RANBP17: variants seen among roughly 807,000 people sequenced by gnomAD.
RANBP17 encodes RAN binding protein 17.
RANBP17 carries 158 observed loss-of-function variants against 141.2 expected under a neutral mutation model. The observed-to-expected ratio is 1.12, with a 90% CI of 0.98 to 1.28. RANBP17 has a LOEUF of 1.28. Ranked by LOEUF, RANBP17 falls within the 50% of genes most tolerant of loss-of-function variation. The pLI is 0.00. For missense variants in RANBP17, 1,438 were observed against 1,290.7 expected (o/e 1.11, Z -1.75); for synonymous variants, 430 against 450.0 (o/e 0.96, Z 0.56).
chr5:171,250,616 CAT>C (rs1271081313), intron 24 of RANBP17, among the ~76,000 whole-genome samples: 3 of 151,778 alleles, frequency 2.0e-5, no homozygotes, highest in African/African-American at 7.3e-5. Context: ...GCAGTAAACA[CAT>C]ATAGAGTGAA....
In RANBP17 at chr5:171,115,374, T is replaced by C. The variant is rs928734570; in HGVS notation, c.1711-54756T>C. ...CATAAAACAATGACTATTCTATTTC[T>C]AATCTCTCTCAAGATAAAAGATAAT... is the stretch of plus-strand genomic sequence containing the variant. On this transcript the variant is annotated intron_variant, in intron 14 of 27. Transcript: ENST00000523189. Among the ~76,000 whole-genome samples the C allele has an allele frequency of 2.6e-5, 4 of 152,298 alleles. No homozygotes were observed. In the South Asian group the frequency reaches 8.3e-4, roughly 32 times the overall value.
chr5:171,028,987 C>T, intron 14 of RANBP17: 1 of 1,256,944 alleles, frequency 8.0e-7, no homozygotes, highest in South Asian at 1.3e-5. Context: ...GTCTAAGGTC[C>T]AGGTGAGGGC....
At chr5:170,878,857 A>G (rs1390482651) in intron 2 of RANBP17, among the ~76,000 whole-genome samples, 1 of 152,182 alleles carries the variant, frequency 6.6e-6, no homozygotes, top group South Asian at 2.1e-4. Flanking sequence ...GTGAAGGGCC[A>G]GATAGCAAAT....
intron 5 of RANBP17, chr5:170,896,845 G>C (rs1770167697): frequency 2.1e-6 from 1 of 473,650 alleles, no homozygotes; most frequent in Admixed American, 3.3e-5. Flanking sequence ...ACAATAACAA[G>C]AAACAATACA....
intron 18 of RANBP17, among the ~76,000 whole-genome samples, chr5:171,191,022 AT>A (rs1761594269): frequency 6.6e-6 from 1 of 152,188 alleles, no homozygotes; most frequent in African/African-American, 2.4e-5. Flanking sequence ...CATATTTTTA[AT>A]TACTAGGGGG....
At chr5:171,237,473 A>G (rs1165203333) in intron 22 of RANBP17, among the ~76,000 whole-genome samples, 3 of 152,142 alleles carry the variant, frequency 2.0e-5, no homozygotes, top group Non-Finnish European at 4.4e-5. Flanking sequence ...TAATCATTCA[A>G]TTCACAGTAT....
intron 22 of RANBP17, among the ~76,000 whole-genome samples, chr5:171,229,388 C>T (rs558325177): frequency 6.6e-6 from 1 of 152,162 alleles, no homozygotes; most frequent in South Asian, 2.1e-4. Context: ...TGAGCATTTA[C>T]TTTTTTGTTG....
chr5:171,219,503 TCTC>T (rs1561775200), intron 21 of RANBP17, among the ~76,000 whole-genome samples: 1 of 152,138 alleles, frequency 6.6e-6, no homozygotes. Flanking sequence ...TTGGTTCCAT[TCTC>T]CTCATCACTT....
At chr5:171,270,188 AT>A (rs1221676606) in intron 25 of RANBP17, among the ~76,000 whole-genome samples, 3 of 152,140 alleles carry the variant, frequency 2.0e-5, no homozygotes, top group Non-Finnish European at 4.4e-5. Context: ...TGTGTTTATT[AT>A]TCTCTTCTAT....
intron 3 of RANBP17, among the ~76,000 whole-genome samples, chr5:170,891,209 C>G (rs1012023028): frequency 6.6e-6 from 1 of 152,032 alleles, no homozygotes; most frequent in Non-Finnish European, 1.5e-5. Context: ...GAAAAAGATA[C>G]AAATCAAATC....
chr5:171,176,079 A>G lies in RANBP17; in HGVS notation c.1865+4793A>G, dbSNP rs182665790. 5.9e-4 allele frequency among the ~76,000 whole-genome samples: 90 copies of G among 152,192 alleles called. No homozygotes were observed. In the East Asian group the frequency reaches 0.015, roughly 26 times the overall value. On this transcript the variant is annotated intron_variant, in intron 16 of 27. Transcript: ENST00000523189. ...TGGTTTGGTTTGATATAAAGAAATA[A>G]TTCCTTCCATTTGGCCTCAGACTGA...
chr5:171,060,506 A>G (rs557565071), intron 14 of RANBP17, among the ~76,000 whole-genome samples: 111 of 147,346 alleles, frequency 7.5e-4, no homozygotes, highest in African/African-American at 2.6e-3. Flanking sequence ...CATCCCAGGG[A>G]TGAAGCCCAC....
chr5:171,182,868 G>C (rs1034977230), intron 16 of RANBP17, among the ~76,000 whole-genome samples: 3 of 151,952 alleles, frequency 2.0e-5, no homozygotes, highest in Admixed American at 6.6e-5. Flanking sequence ...ATATAAAAAG[G>C]GATCAGTTTT....
chr5:170,986,141 C>A (rs1778125805), intron 14 of RANBP17, among the ~76,000 whole-genome samples: 1 of 151,984 alleles, frequency 6.6e-6, no homozygotes, highest in Non-Finnish European at 1.5e-5. Context: ...TCAAAAATGT[C>A]TCTGTTTGGA....
At chr5:171,258,366 G>A (rs182946031) in intron 24 of RANBP17, among the ~76,000 whole-genome samples, 14 of 152,136 alleles carry the variant, frequency 9.2e-5, no homozygotes, top group Admixed American at 5.9e-4. Flanking sequence ...CTTCTTCACA[G>A]AATTTTTTTT....
chr5:170,980,364 T>A (rs1374705844), intron 14 of RANBP17, among the ~76,000 whole-genome samples: 1 of 152,176 alleles, frequency 6.6e-6, no homozygotes, highest in Non-Finnish European at 1.5e-5. Context: ...TGAATATTAA[T>A]CCCCAAGACA....
At chr5:170,866,286 G>T (rs530120517) in intron 1 of RANBP17, among the ~76,000 whole-genome samples, 2 of 144,432 alleles carry the variant, frequency 1.4e-5, no homozygotes, top group Non-Finnish European at 2.9e-5. Context: ...TACTATACAG[G>T]AGGTACAAAG....
chr5:171,034,589 C>T (rs1265994094), intron 14 of RANBP17, among the ~76,000 whole-genome samples: 1 of 152,134 alleles, frequency 6.6e-6, no homozygotes, highest in East Asian at 1.9e-4. Context: ...GAGTATATAG[C>T]CACTTTGAAT....
At chr5:171,148,257 G>T (rs1327374645) in intron 14 of RANBP17, among the ~76,000 whole-genome samples, 1 of 152,128 alleles carries the variant, frequency 6.6e-6, no homozygotes, top group African/African-American at 2.4e-5. Flanking sequence ...ACTGCGGAAG[G>T]CCGCAGGTTC....
Sources: allele counts gnomAD v4.1 joint callset (sites outside exome capture counted in the v4.1 genomes callset), GRCh38; gene constraint gnomAD v4.1.1; transcripts MANE v1.5; gene names NCBI Gene and HGNC (gene_info 2026-07-23, HGNC 2026-07-21).